Variants in CADM2 observed in about 807,000 individuals in gnomAD.
CADM2 encodes cell adhesion molecule 2.
CADM2 carries 12 observed loss-of-function variants against 49.8 expected under a neutral mutation model. The observed-to-expected ratio is 0.24, with a 90% confidence interval of 0.15 to 0.39. The LOEUF is 0.39. CADM2 is among the 10% of genes least tolerant of loss of function. The pLI is 1.00. For synonymous variants in CADM2, 214 were observed against 175.4 expected (o/e 1.22, Z -1.74); for missense variants, 378 against 492.3 (o/e 0.77, Z 2.20).
intron 1 of CADM2, among the ~76,000 whole-genome samples, chr3:85,376,696 A>G (rs564496858): frequency 1.7e-3 from 260 of 152,186 alleles, no homozygotes; most frequent in Non-Finnish European, 1.5e-3. Context: ...TTTTTAAAGG[A>G]GATCATTGTT....
Position 86,066,862 on chromosome 3 carries a change from C to G in CADM2, c.*79C>G. 1 of 927,540 alleles carries G rather than the reference C, an allele frequency of 1.1e-6. No homozygotes were observed. Among genetic ancestry groups the G allele is most frequent in the South Asian group, 1.4e-5 (1 of 74,004 alleles). The allele number at this position is 927,540 out of a possible 1,614,324, so 57.5% of individuals were successfully genotyped here. A position where few individuals can be genotyped will look rare whatever the true frequency, so the allele number is the denominator to read the frequency against. On this transcript the variant is annotated 3_prime_UTR_variant, in exon 10 of 10. Transcript: ENST00000383699. ...GGCTATCATCTTTCAGAAGTCATTT[C>G]TACCATCGTCTGCTACCCTTATTAA...
intron 1 of CADM2, among the ~76,000 whole-genome samples, chr3:85,149,860 A>G (rs1033386813): frequency 6.6e-6 from 1 of 152,234 alleles, no homozygotes; most frequent in Non-Finnish European, 1.5e-5. Flanking sequence ...TGAAAATAAC[A>G]AATCAACTCT....
chr3:85,841,154 C>A (rs140584477), intron 3 of CADM2, among the ~76,000 whole-genome samples: 1 of 151,706 alleles, frequency 6.6e-6, no homozygotes, highest in Non-Finnish European at 1.5e-5. Flanking sequence ...CTCTTGATAA[C>A]ATGAAACTTT....
intron 1 of CADM2, among the ~76,000 whole-genome samples, chr3:85,454,153 A>G (rs6772890): frequency 0.77 from 117,526 of 151,908 alleles, 47,650 homozygotes; most frequent in East Asian, 0.95. Flanking sequence ...GCAGGAGTTC[A>G]AGACTAGCCT....
Position 85,566,652 on chromosome 3 carries a change from A to G in CADM2, c.62-159870A>G, listed in dbSNP as rs567323902. 2.0e-5 allele frequency among the ~76,000 whole-genome samples: 3 copies of G among 152,290 alleles called. No individual in the cohort carries two copies. The East Asian group carries it at 5.8e-4, about 29-fold the overall frequency. On this transcript the variant is annotated intron_variant, in intron 1 of 9. Coordinates refer to ENST00000383699, the MANE Select transcript of CADM2 (RefSeq NM_001167675.2). ...AATGGAGCTCACCTCCGTAACAAAA[A>G]AATTGGAAAATCTGCTCAGTATATT...
At chr3:85,676,488 G>A (rs1333647555) in intron 1 of CADM2, among the ~76,000 whole-genome samples, 1 of 151,848 alleles carries the variant, frequency 6.6e-6, no homozygotes, top group Non-Finnish European at 1.5e-5. Context: ...TAACTTACCT[G>A]CTTATTAAAA....
intron 1 of CADM2, among the ~76,000 whole-genome samples, chr3:85,461,423 C>T (rs943271052): frequency 3.9e-5 from 6 of 152,236 alleles, no homozygotes; most frequent in South Asian, 2.1e-4. Context: ...ACATAACATA[C>T]GCTTTTATTG....
chr3:85,628,580 C>CACACATATATACATATATAT (rs2064198322), intron 1 of CADM2, among the ~76,000 whole-genome samples: 8 of 142,682 alleles, frequency 5.6e-5, no homozygotes, highest in Non-Finnish European at 1.2e-4. Context: ...TATATACACA[C>CACACATATATACATATATAT]ACATATATAT....
chr3:85,861,254 A>G (rs1225375203), intron 3 of CADM2, among the ~76,000 whole-genome samples: 1 of 152,192 alleles, frequency 6.6e-6, no homozygotes, highest in Non-Finnish European at 1.5e-5. Flanking sequence ...ATAGGTAGTG[A>G]GAAATGCTTT....
At chr3:86,017,814 G>A (rs1168529844) in intron 8 of CADM2, among the ~76,000 whole-genome samples, 2 of 146,460 alleles carry the variant, frequency 1.4e-5, no homozygotes, top group African/African-American at 2.4e-5. Flanking sequence ...ATTATGTTAT[G>A]TGTACCCTTA....
intron 1 of CADM2, among the ~76,000 whole-genome samples, chr3:85,114,839 C>A (rs899183026): frequency 6.6e-6 from 1 of 150,756 alleles, no homozygotes; most frequent in Non-Finnish European, 1.5e-5. Flanking sequence ...TTTTATATGA[C>A]CTTTTTTTCC....
intron 1 of CADM2, among the ~76,000 whole-genome samples, chr3:85,430,197 G>T (rs928231878): frequency 6.6e-6 from 1 of 152,144 alleles, no homozygotes; most frequent in Admixed American, 6.6e-5. Context: ...ATAATTGCAG[G>T]TACTTCAGAA....
intron 1 of CADM2, among the ~76,000 whole-genome samples, chr3:85,705,144 G>A (rs1217363184): frequency 2.7e-5 from 4 of 150,440 alleles, no homozygotes; most frequent in African/African-American, 4.9e-5. Flanking sequence ...GGGATCACAG[G>A]TGTGAGCCAG....
rs188750539 is a variant in CADM2 at position 85,637,730 on chromosome 3, C to T, written c.62-88792C>T. ...AAAATGACAATAACTTAGCCAAGAG[C>T]ACCTAATAAGTGAATGCAAAAGCAG... On this transcript the variant is annotated intron_variant, in intron 1 of 9. Coordinates refer to ENST00000383699, the MANE Select transcript of CADM2 (RefSeq NM_001167675.2). Among the ~76,000 whole-genome samples, 149 of 151,876 alleles carry T rather than the reference C, an allele frequency of 9.8e-4. 1 individual carries two copies. The highest frequency in any genetic ancestry group is 3.4e-3 in the African/African-American group (143 of 41,466).
intron 1 of CADM2, among the ~76,000 whole-genome samples, chr3:85,141,297 CT>C (rs2039568448): frequency 6.6e-6 from 1 of 152,120 alleles, no homozygotes; most frequent in African/African-American, 2.4e-5. Flanking sequence ...GCCTCAATTT[CT>C]TAATCTTTTA....
At chr3:85,869,652 ATATTGT>A (rs368402719) in intron 3 of CADM2, among the ~76,000 whole-genome samples, 139 of 151,710 alleles carry the variant, frequency 9.2e-4, no homozygotes, top group African/African-American at 3.2e-3. Context: ...TACATTTTTT[ATATTGT>A]TATTATTATT....
At chr3:85,099,660 G>A (rs2037937791) in intron 1 of CADM2, among the ~76,000 whole-genome samples, 1 of 152,012 alleles carries the variant, frequency 6.6e-6, no homozygotes, top group Non-Finnish European at 1.5e-5. Flanking sequence ...AGTGGAGACG[G>A]GGTTTCACCA....
chr3:85,570,273 A>G (rs529205951), intron 1 of CADM2, among the ~76,000 whole-genome samples: 160 of 152,304 alleles, frequency 1.1e-3, no homozygotes, highest in South Asian at 6.2e-4. Context: ...ATCCCAACAG[A>G]AGCTTAAATA....
At chr3:85,210,140 C>T (rs778142444) in intron 1 of CADM2, among the ~76,000 whole-genome samples, 10 of 152,098 alleles carry the variant, frequency 6.6e-5, no homozygotes, top group South Asian at 2.1e-4. Flanking sequence ...TTTATTGTTT[C>T]GAGGTATGTT....
Sources: gnomAD v4.1 joint callset for allele counts (sites outside exome capture counted in the v4.1 genomes callset) on GRCh38, gnomAD v4.1.1 for gene constraint, MANE v1.5 for transcripts, NCBI Gene and HGNC (gene_info 2026-07-23, HGNC 2026-07-21) for gene names.